PHF20: variants seen among roughly 807,000 people sequenced by gnomAD.
PHF20 encodes the protein glioma-expressed antigen 2.
A neutral mutation model predicts 113.5 loss-of-function variants in PHF20; 23 were observed. The ratio of observed to expected loss-of-function variants is 0.20; its 90% CI spans 0.15 to 0.29. The LOEUF (loss-of-function observed/expected upper bound fraction) is 0.29. PHF20 is among the 10% of genes least tolerant of loss of function. The pLI is 1.00. For synonymous variants in PHF20, 434 were observed against 457.3 expected, an observed-to-expected ratio of 0.95 and a Z score of 0.65; for missense variants, 943 against 1,219.6, an observed-to-expected ratio of 0.77 and a Z score of 3.38.
chr20:35,828,976 C>T (rs554525917), intron 2 of PHF20, among the ~76,000 whole-genome samples: 13 of 152,178 alleles, frequency 8.5e-5, no homozygotes, highest in East Asian at 3.9e-4. Flanking sequence ...AATTCAGGAG[C>T]GGCGTAATGG....
intron 6 of PHF20, among the ~76,000 whole-genome samples, chr20:35,864,937 G>A (rs2054288344): frequency 6.6e-6 from 1 of 152,148 alleles, no homozygotes; most frequent in Non-Finnish European, 1.5e-5. Flanking sequence ...TGTAATCTCA[G>A]TGGTTTGGGA....
At chr20:35,944,473 C>G (rs1055370743) in intron 17 of PHF20, among the ~76,000 whole-genome samples, 1 of 152,244 alleles carries the variant, frequency 6.6e-6, no homozygotes. Flanking sequence ...GGCCTCTCAG[C>G]AACTGTAGGA....
intron 10 of PHF20, among the ~76,000 whole-genome samples, chr20:35,910,043 A>G (rs1278526004): frequency 6.6e-6 from 1 of 152,164 alleles, no homozygotes. Flanking sequence ...ATGGAATCTG[A>G]TTGTCTACCC....
intron 6 of PHF20, among the ~76,000 whole-genome samples, chr20:35,866,048 AACAAC>A (rs1466777568): frequency 6.6e-6 from 1 of 152,002 alleles, no homozygotes; most frequent in Non-Finnish European, 1.5e-5. Flanking sequence ...CATCTCTACT[AACAAC>A]ACAAAAATTA....
chr20:35,888,770 T>TA (rs1164788482), intron 9 of PHF20, among the ~76,000 whole-genome samples: 3 of 151,304 alleles, frequency 2.0e-5, no homozygotes, highest in Non-Finnish European at 4.4e-5. Context: ...TTTTTTTTTT[T>TA]AATTAATAAT....
At chr20:35,794,063 G>A (rs564000039) in intron 1 of PHF20, among the ~76,000 whole-genome samples, 2 of 149,166 alleles carry the variant, frequency 1.3e-5, no homozygotes, top group South Asian at 4.3e-4. Flanking sequence ...CACTTTGGGA[G>A]GCTGAGGTGG....
intron 2 of PHF20, among the ~76,000 whole-genome samples, chr20:35,804,947 G>A (rs1342866884): frequency 2.0e-5 from 3 of 151,920 alleles, no homozygotes; most frequent in African/African-American, 7.3e-5. Context: ...TGTTGCCTAG[G>A]CTGTAATGCA....
chr20:35,846,631 A>T (rs2042629559), intron 3 of PHF20, among the ~76,000 whole-genome samples: 1 of 152,068 alleles, frequency 6.6e-6, no homozygotes, highest in South Asian at 2.1e-4. Flanking sequence ...CCTATACTGG[A>T]TGTGTATTCT....
chr20:35,796,524 G>T (rs1258966862), intron 1 of PHF20, among the ~76,000 whole-genome samples: 2 of 152,112 alleles, frequency 1.3e-5, no homozygotes, highest in East Asian at 3.8e-4. Flanking sequence ...TAAAAAGATG[G>T]CCATGGTCAG....
At chr20:35,777,478 C>T (rs1173653444) in intron 1 of PHF20, among the ~76,000 whole-genome samples, 1 of 152,208 alleles carries the variant, frequency 6.6e-6, no homozygotes, top group Non-Finnish European at 1.5e-5. Flanking sequence ...AACTTCCTTT[C>T]TGAAGTTTGA....
At chr20:35,934,870 A>G (rs1190498185) in intron 15 of PHF20, among the ~76,000 whole-genome samples, 1 of 152,250 alleles carries the variant, frequency 6.6e-6, no homozygotes, top group Non-Finnish European at 1.5e-5. Flanking sequence ...CTCACATTTC[A>G]TAAAACAGGA....
intron 7 of PHF20, among the ~76,000 whole-genome samples, chr20:35,870,644 T>TTTTTTTTTTTTTTTTTTTTTTTTGTG: frequency 6.6e-6 from 1 of 151,824 alleles, no homozygotes; most frequent in South Asian, 2.1e-4. Flanking sequence ...TAAACCTTTT[T>TTTTTTTTTTTTTTTTTTTTTTTTGTG]AAGTCGACTT....
intron 2 of PHF20, 103 bp from the exon 3 acceptor site, chr20:35,842,462 AGGCCTGGT>A (rs2042552458): frequency 1.2e-6 from 1 of 865,520 alleles, no homozygotes; most frequent in African/African-American, 1.7e-5. Context: ...TCTAAACGGT[AGGCCTGGT>A]AACCTTCTCC....
chr20:35,801,561 T>C lies in PHF20; in HGVS notation c.39T>C (p.Phe13=), dbSNP rs1380979441. The C allele has an allele frequency of 6.2e-7, 1 of 1,614,014 alleles. No individual in the cohort carries two copies. The highest frequency in any genetic ancestry group is 1.7e-5 in the Admixed American group (1 of 59,994). Residue 13 remains phenylalanine (F), a synonymous_variant, in exon 2 of 18, where the codon TTT becomes TTC. Coordinates refer to ENST00000374012, the MANE Select transcript of PHF20 (RefSeq NM_016436.5). ...KHPPNRRGIS[F]EVGAQLEARD... The stretch of plus-strand genomic sequence containing the variant: ...CACCTAACAGACGAGGAATCAGCTT[T>C]GAAGTGGGAGCCCAGTTGGAAGCCC...
chr20:35,937,040 C>T (rs1338084847), intron 15 of PHF20, among the ~76,000 whole-genome samples: 1 of 152,128 alleles, frequency 6.6e-6, no homozygotes, highest in African/African-American at 2.4e-5. Flanking sequence ...ATAAGAAGTA[C>T]ATTGGCTGGG....
chr20:35,814,888 AAAT>A (rs1178347602), intron 2 of PHF20, among the ~76,000 whole-genome samples: 4 of 136,006 alleles, frequency 2.9e-5, no homozygotes, highest in African/African-American at 6.0e-5. Flanking sequence ...AAAAAAAAAA[AAAT>A]AAAATAAATA....
At chr20:35,904,829 T>C (rs55912491) in intron 10 of PHF20, among the ~76,000 whole-genome samples, 1 of 126,268 alleles carries the variant, frequency 7.9e-6, no homozygotes, top group Non-Finnish European at 1.6e-5. Flanking sequence ...CTCTTTCTTT[T>C]TTTTTGTTTG....
chr20:35,871,564 C>T, intron 8 of PHF20, 86 bp from the exon 9 acceptor site: 2 of 1,138,358 alleles, frequency 1.8e-6, no homozygotes, highest in Admixed American at 2.7e-5. Flanking sequence ...CTAAAAAGTC[C>T]CTGGCTTTCT....
intron 17 of PHF20, among the ~76,000 whole-genome samples, chr20:35,941,495 G>C (rs1253181790): frequency 6.6e-6 from 1 of 152,190 alleles, no homozygotes; most frequent in African/African-American, 2.4e-5. Flanking sequence ...GTAGAGATTT[G>C]AGAATTTGCC....
Sources: gnomAD v4.1 joint callset for allele counts (sites outside exome capture counted in the v4.1 genomes callset) on GRCh38, gnomAD v4.1.1 for gene constraint, MANE v1.5 for transcripts, NCBI Gene and HGNC (gene_info 2026-07-23, HGNC 2026-07-21) for gene names.